Variants in XRCC6 observed in about 807,000 individuals in gnomAD.
The protein encoded by XRCC6 is X-ray repair cross complementing 6.
In XRCC6, 5 loss-of-function variants were observed where a neutral mutation model predicts 65.7. The ratio of observed to expected loss-of-function variants is 0.08; its 90% CI spans 0.04 to 0.16. The LOEUF is 0.16. XRCC6 is among the 10% of genes least tolerant of loss of function. XRCC6 has a pLI of 1.00. For missense variants in XRCC6, 447 were observed against 738.1 expected, an observed-to-expected ratio of 0.61 and a Z score of 4.57; for synonymous variants, 270 against 270.6, an observed-to-expected ratio of 1.00 and a Z score of 0.02.
At chr22:41,644,019 T>C (rs1427391415) in intron 6 of XRCC6, among the ~76,000 whole-genome samples, 3 of 147,932 alleles carry the variant, frequency 2.0e-5, no homozygotes, top group Non-Finnish European at 4.5e-5. Flanking sequence ...CAGTGGCATG[T>C]GCTTGTAGTC....
At chr22:41,657,908 C>G (rs1403775245) in intron 10 of XRCC6, among the ~76,000 whole-genome samples, 1 of 151,966 alleles carries the variant, frequency 6.6e-6, no homozygotes, top group Non-Finnish European at 1.5e-5. Context: ...ACTGCAGCCT[C>G]GATCTCCTGG....
chr22:41,647,601 A>G (rs976918778), intron 7 of XRCC6, among the ~76,000 whole-genome samples: 9 of 145,312 alleles, frequency 6.2e-5, no homozygotes, highest in Non-Finnish European at 9.1e-5. Flanking sequence ...AAAAAAAGAG[A>G]CGGTGTCTCG....
intron 2 of XRCC6, among the ~76,000 whole-genome samples, chr22:41,623,240 A>G (rs749637821): frequency 1.3e-5 from 2 of 151,838 alleles, no homozygotes; most frequent in East Asian, 1.9e-4. Context: ...CCAACTCCCA[A>G]TAATTTCTTA....
intron 2 of XRCC6, among the ~76,000 whole-genome samples, chr22:41,624,851 G>A (rs1041940268): frequency 2.7e-4 from 40 of 150,468 alleles, no homozygotes; most frequent in African/African-American, 8.8e-4. Flanking sequence ...CAAAAAAATA[G>A]CCAGGCGTGG....
At chr22:41,639,647 G>C (rs907435306) in intron 6 of XRCC6, among the ~76,000 whole-genome samples, 8 of 125,438 alleles carry the variant, frequency 6.4e-5, no homozygotes, top group Non-Finnish European at 9.9e-5. Flanking sequence ...ATGTGTCCAT[G>C]TGTAGCCTAG....
chr22:41,624,367 A>C (rs1195509853), intron 2 of XRCC6, among the ~76,000 whole-genome samples: 4 of 148,086 alleles, frequency 2.7e-5, no homozygotes, highest in Non-Finnish European at 4.5e-5. Context: ...CAGTCTGGGC[A>C]ACAGAGTGAA....
intron 1 of XRCC6, 133 bp from the exon 2 acceptor site, chr22:41,621,857 C>T: frequency 2.5e-6 from 2 of 795,678 alleles, no homozygotes; most frequent in East Asian, 2.6e-5. Flanking sequence ...GCCGAGCTTT[C>T]GAGGCAGCAG....
intron 7 of XRCC6, 25 bp from the exon 8 acceptor site, chr22:41,650,698 G>C (rs1453954786): frequency 6.2e-7 from 1 of 1,608,202 alleles, no homozygotes; most frequent in Non-Finnish European, 8.5e-7. Context: ...CTTCCCATTT[G>C]ATCCTTGTCG....
intron 3 of XRCC6, 97 bp downstream of exon 3, chr22:41,628,327 G>C: frequency 1.0e-6 from 1 of 980,488 alleles, no homozygotes; most frequent in South Asian, 1.6e-5. Flanking sequence ...GGGAGGCCGA[G>C]ACGGGCAGAT....
chr22:41,628,581 T>G (rs2067704686), intron 3 of XRCC6, among the ~76,000 whole-genome samples: 1 of 152,032 alleles, frequency 6.6e-6, no homozygotes, highest in South Asian at 2.1e-4. Flanking sequence ...TGGAAAAGAG[T>G]GAGTGATACT....
intron 3 of XRCC6, among the ~76,000 whole-genome samples, chr22:41,628,965 C>CAAAAAAAAA (rs11413169): frequency 1.6e-5 from 1 of 62,722 alleles, no homozygotes; most frequent in Non-Finnish European, 2.7e-5. Context: ...GACTCTGTCT[C>CAAAAAAAAA]AAAAAAAAAA....
At chr22:41,644,474 A>T (rs1384337273) in intron 6 of XRCC6, among the ~76,000 whole-genome samples, 1 of 152,056 alleles carries the variant, frequency 6.6e-6, no homozygotes, top group East Asian at 1.9e-4. Context: ...GTACATTGTT[A>T]TTATTGCAGA....
chr22:41,661,454 T>A lies in XRCC6; in HGVS notation c.1636+10T>A. 1 of 1,610,814 alleles carries A rather than the reference T, an allele frequency of 6.2e-7. No individual in the cohort carries two copies. The highest frequency in any genetic ancestry group is 8.5e-7 in the Non-Finnish European group (1 of 1,177,610). ...ACCAAGAGAAAACACGGTGAGAAGC[T>A]GAATGTGGACATGTGGGCTATTTTT... On this transcript the variant is annotated intron_variant, in intron 12 of 12. Coordinates refer to ENST00000360079, the MANE Select transcript of XRCC6 (RefSeq NM_001469.5).
Position 41,622,221 on chromosome 22 carries a change from T to G in XRCC6, c.82+135T>G, listed in dbSNP as rs558139394. 5.3e-5 allele frequency: 53 copies of G among 992,016 alleles called. No homozygotes were observed. In the South Asian group the frequency reaches 7.6e-4, roughly 14 times the overall value. The allele number at this position is 992,016 out of a possible 1,614,324, so 61.5% of individuals were successfully genotyped here. On this transcript the variant is annotated intron_variant, in intron 2 of 12. Transcript: ENST00000360079. ...ATAATTCTGAAATTCTTTTCTTCCT[T>G]TGAACTTCGCAGAGCTACCCTAGGC...
chr22:41,653,040 C>T (rs952916030), intron 8 of XRCC6, among the ~76,000 whole-genome samples: 1 of 152,080 alleles, frequency 6.6e-6, no homozygotes, highest in Non-Finnish European at 1.5e-5. Context: ...ATTTTCCTTT[C>T]TGTGTCTCTG....
At chr22:41,621,946 C>A in intron 1 of XRCC6, 44 bp from the exon 2 acceptor site, 1 of 1,584,652 alleles carries the variant, frequency 6.3e-7, no homozygotes, top group Non-Finnish European at 8.6e-7. Flanking sequence ...GGTATTTTTT[C>A]GATTTAAATT....
At chr22:41,640,191 C>G (rs1316731505) in intron 6 of XRCC6, among the ~76,000 whole-genome samples, 2 of 152,064 alleles carry the variant, frequency 1.3e-5, no homozygotes, top group Non-Finnish European at 2.9e-5. Flanking sequence ...CTCTGTCGCC[C>G]AGGCTGGAGT....
At chr22:41,641,606 C>G (rs2067878431) in intron 6 of XRCC6, among the ~76,000 whole-genome samples, 2 of 152,064 alleles carry the variant, frequency 1.3e-5, no homozygotes, top group African/African-American at 4.8e-5. Flanking sequence ...CCATCACTAC[C>G]CCCTTACCCT....
At chr22:41,644,869 A>G (rs1054598702) in intron 6 of XRCC6, among the ~76,000 whole-genome samples, 2 of 152,110 alleles carry the variant, frequency 1.3e-5, no homozygotes, top group African/African-American at 4.8e-5. Context: ...CATGATGGAA[A>G]AGTACATGAG....
Sources: allele counts gnomAD v4.1 joint callset (sites outside exome capture counted in the v4.1 genomes callset), GRCh38; gene constraint gnomAD v4.1.1; transcripts MANE v1.5; gene names NCBI Gene and HGNC (gene_info 2026-07-23, HGNC 2026-07-21).